ERC1: variants seen among roughly 807,000 people sequenced by gnomAD.
ERC1 encodes the protein ELKS/RAB6-interacting/CAST family member 1.
A neutral mutation model predicts 132.0 loss-of-function variants in ERC1; 56 were observed. That is an observed-to-expected ratio of 0.42 (90% CI 0.34 to 0.53). ERC1 has a LOEUF of 0.53. Ranked by LOEUF, ERC1 falls within the 20% of genes least tolerant of loss-of-function variation. The probability of loss-of-function intolerance (pLI) is 0.03; values close to 1 mark genes in which losing one functional copy is unlikely to be tolerated. For synonymous variants in ERC1, 478 were observed against 476.1 expected, an observed-to-expected ratio of 1.00 and a Z score of -0.05; for missense variants, 1,202 against 1,349.9, an observed-to-expected ratio of 0.89 and a Z score of 1.72.
intron 3 of ERC1, among the ~76,000 whole-genome samples, chr12:1,100,564 G>T (rs1045985807): frequency 5.3e-5 from 8 of 152,152 alleles, no homozygotes; most frequent in Admixed American, 4.6e-4. Context: ...GTAAGTTTCA[G>T]GATATATTTT....
chr12:1,370,846 G>A (rs538564186), intron 15 of ERC1, among the ~76,000 whole-genome samples: 39 of 152,132 alleles, frequency 2.6e-4, no homozygotes, highest in South Asian at 1.0e-3. Flanking sequence ...TTAGTCTCCC[G>A]AGTAGTGAGT....
intron 17 of ERC1, among the ~76,000 whole-genome samples, chr12:1,437,471 G>C (rs750980465): frequency 2.6e-5 from 4 of 152,190 alleles, no homozygotes; most frequent in Non-Finnish European, 5.9e-5. Flanking sequence ...CACATGGAGA[G>C]ACACATAGAT....
intron 14 of ERC1, among the ~76,000 whole-genome samples, chr12:1,266,910 G>T (rs2077519264): frequency 6.6e-6 from 1 of 152,104 alleles, no homozygotes. Context: ...ATAAAGGTAG[G>T]ATATCTACAT....
chr12:1,239,587 G>T (rs1026343392), intron 13 of ERC1, among the ~76,000 whole-genome samples: 1 of 152,142 alleles, frequency 6.6e-6, no homozygotes, highest in Admixed American at 6.5e-5. Flanking sequence ...GCAGGATGGT[G>T]TACACGTACG....
chr12:1,012,306 TATG>T (rs1471972376), intron 1 of ERC1, among the ~76,000 whole-genome samples: 1 of 152,162 alleles, frequency 6.6e-6, no homozygotes, highest in Non-Finnish European at 1.5e-5. Context: ...CTTTTAAACT[TATG>T]ATATGCTTCA....
intron 2 of ERC1, among the ~76,000 whole-genome samples, chr12:1,033,759 A>T (rs893656544): frequency 6.6e-6 from 1 of 151,354 alleles, no homozygotes; most frequent in African/African-American, 2.4e-5. Flanking sequence ...CCTCCCAAGT[A>T]GCTGGGATTT....
intron 5 of ERC1, 114 bp downstream of exon 5, chr12:1,110,461 G>A: frequency 2.4e-6 from 2 of 830,842 alleles, no homozygotes; most frequent in African/African-American, 1.8e-5. Flanking sequence ...CAGGTTTCAG[G>A]GAAGAATACT....
At chr12:1,244,722 T>G in intron 13 of ERC1, 1 of 356,440 alleles carries the variant, frequency 2.8e-6, no homozygotes, top group East Asian at 7.9e-5. Context: ...AGACGGGGTT[T>G]CACCATGTTG....
chr12:1,036,263 AT>A (rs34652414), intron 2 of ERC1, among the ~76,000 whole-genome samples: 224 of 145,746 alleles, frequency 1.5e-3, no homozygotes, highest in Non-Finnish European at 2.7e-3. Flanking sequence ...ATTCTTTGTC[AT>A]TTTTTTTTCT....
intron 15 of ERC1, among the ~76,000 whole-genome samples, chr12:1,341,069 CTTTTTTTTTTTTTTTTTTTTTTTTTTTT>C (rs35902573): frequency 1.1e-3 from 72 of 63,158 alleles, no homozygotes; most frequent in African/African-American, 3.9e-3. Context: ...TTTTCTTTTT[CTTTTTTTTTTTTTTTTTTTTTTTTTTTT>C]TTTTTTTTTT....
At chr12:1,171,469 C>T (rs1311910133) in intron 8 of ERC1, among the ~76,000 whole-genome samples, 1 of 150,470 alleles carries the variant, frequency 6.6e-6, no homozygotes, top group African/African-American at 2.4e-5. Context: ...GACTTAGAAC[C>T]TGAAAAGGAA....
chr12:1,446,874 G>T (rs1474688902), intron 18 of ERC1, among the ~76,000 whole-genome samples: 1 of 152,128 alleles, frequency 6.6e-6, no homozygotes, highest in African/African-American at 2.4e-5. Flanking sequence ...ATTAAATTCA[G>T]CGAGGTGCTG....
intron 2 of ERC1, among the ~76,000 whole-genome samples, chr12:1,042,971 T>C (rs1970500066): frequency 6.6e-6 from 1 of 152,026 alleles, no homozygotes; most frequent in South Asian, 2.1e-4. Flanking sequence ...AGGGTCTATT[T>C]CTTATTTTTC....
chr12:1,051,449 G>A (rs12423543), intron 2 of ERC1, among the ~76,000 whole-genome samples: 70,360 of 150,922 alleles, frequency 0.47, 16,464 homozygotes, highest in Middle Eastern at 0.58. Context: ...CAGTGGTTTG[G>A]GAGGCCGAGG....
At chr12:1,016,041 T>A (rs929177561) in intron 1 of ERC1, among the ~76,000 whole-genome samples, 9 of 151,146 alleles carry the variant, frequency 6.0e-5, no homozygotes, top group African/African-American at 2.2e-4. Context: ...GAATTTCACA[T>A]ATAATTATTT....
Position 1,400,926 on chromosome 12 carries a change from T to A in ERC1, c.2926-7223T>A, listed in dbSNP as rs1392482841. 2.4e-3 allele frequency among the ~76,000 whole-genome samples: 153 copies of A among 64,526 alleles called. 3 individuals are homozygous for A. The highest frequency in any genetic ancestry group is 4.0e-3 in the South Asian group (6 of 1,500). The allele number at this position is 64,526 out of a possible 152,430, so 42.3% of individuals were successfully genotyped here. ...TTTGGCTATTTTTGTATTTTTTTTT[T>A]TTTTTTTTTTTTTTTTTTTTTTTTT... is the stretch of plus-strand genomic sequence containing the variant. On this transcript the variant is annotated intron_variant, in intron 16 of 18. Coordinates refer to ENST00000360905, the MANE Select transcript of ERC1 (RefSeq NM_178040.4).
rs188599535 is a variant in ERC1 at position 1,224,036 on chromosome 12, T to C, written c.2352-12733T>C. Among the ~76,000 whole-genome samples the C allele has an allele frequency of 8.4e-4, 128 of 152,366 alleles. 2 individuals carry two copies. Among genetic ancestry groups the C allele is most frequent in the African/African-American group, 3.0e-3 (123 of 41,592 alleles). On this transcript the variant is annotated intron_variant, in intron 12 of 18. Coordinates refer to ENST00000360905, the MANE Select transcript of ERC1 (RefSeq NM_178040.4). ...ATTCCTCATTTCACAAGTTCTGTTA[T>C]GTCTCAGAATGTTTTTTCCTAAATA...
chr12:1,484,071 T>TCCAAA (rs1208349351), intron 18 of ERC1, among the ~76,000 whole-genome samples: 1 of 150,896 alleles, frequency 6.6e-6, no homozygotes, highest in Non-Finnish European at 1.5e-5. Context: ...TTTGGGAGGC[T>TCCAAA]GAGGCGGGCG....
intron 12 of ERC1, among the ~76,000 whole-genome samples, chr12:1,217,771 G>T (rs1483265806): frequency 6.6e-6 from 1 of 152,158 alleles, no homozygotes; most frequent in Non-Finnish European, 1.5e-5. Context: ...ACCCGGGTCA[G>T]ATTTCATGGT....
Sources: gnomAD v4.1 joint callset for allele counts (sites outside exome capture counted in the v4.1 genomes callset) on GRCh38, gnomAD v4.1.1 for gene constraint, MANE v1.5 for transcripts, NCBI Gene and HGNC (gene_info 2026-07-23, HGNC 2026-07-21) for gene names.